The following ST7 variants were observed in gnomAD, a reference collection of about 807,000 sequenced individuals.
ST7 encodes suppressor of tumorigenicity 7 protein.
ST7 carries 28 observed loss-of-function variants against 78.7 expected under a neutral mutation model. That is an observed-to-expected ratio of 0.36 (90% CI 0.26 to 0.49). The LOEUF is 0.49. Among genes scored for constraint, ST7 ranks in the 20% least tolerant of loss-of-function variants. The probability of loss-of-function intolerance (pLI) is 0.99; values close to 1 mark genes in which losing one functional copy is unlikely to be tolerated. For synonymous variants in ST7, 247 were observed against 249.6 expected (o/e 0.99, Z 0.10); for missense variants, 418 against 696.0 (o/e 0.60, Z 4.49).
chr7:117,039,944 G>A (rs970923721), intron 1 of ST7, among the ~76,000 whole-genome samples: 1 of 152,208 alleles, frequency 6.6e-6, no homozygotes, highest in African/African-American at 2.4e-5. Context: ...TGTCATGGAA[G>A]CTAGAAGAGC....
chr7:117,082,479 A>G (rs1429120553), intron 1 of ST7, among the ~76,000 whole-genome samples: 4 of 152,196 alleles, frequency 2.6e-5, no homozygotes, highest in African/African-American at 4.8e-5. Flanking sequence ...ATGCTAGGCT[A>G]TATTTAGGAT....
intron 1 of ST7, among the ~76,000 whole-genome samples, chr7:117,058,089 T>A (rs1798157174): frequency 6.6e-6 from 1 of 152,190 alleles, no homozygotes; most frequent in Non-Finnish European, 1.5e-5. Flanking sequence ...TATTGTTATA[T>A]TTGCTAGTGA....
chr7:117,223,576 A>G (rs1793254164), intron 15 of ST7: 1 of 153,426 alleles, frequency 6.5e-6, no homozygotes, highest in Non-Finnish European at 1.5e-5. Context: ...GCACCTTTGC[A>G]CGTGCTGTTT....
chr7:117,104,294 G>T (rs1801789839), intron 2 of ST7, among the ~76,000 whole-genome samples: 1 of 152,170 alleles, frequency 6.6e-6, no homozygotes, highest in Admixed American at 6.5e-5. Flanking sequence ...TACAAAATTA[G>T]CCGGGTGTGG....
chr7:117,179,549 G>A (rs1268856703), intron 10 of ST7, among the ~76,000 whole-genome samples: 3 of 152,220 alleles, frequency 2.0e-5, no homozygotes, highest in African/African-American at 7.2e-5. Context: ...GAACTGGACA[G>A]CAAAGGTGCT....
At chr7:116,964,537 G>T (rs1040625095) in intron 1 of ST7, among the ~76,000 whole-genome samples, 1 of 152,138 alleles carries the variant, frequency 6.6e-6, no homozygotes, top group Non-Finnish European at 1.5e-5. Flanking sequence ...GTGTATGTTT[G>T]TGCAGAATTT....
intron 12 of ST7, among the ~76,000 whole-genome samples, chr7:117,197,101 CAT>C (rs1301804507): frequency 6.6e-6 from 1 of 152,140 alleles, no homozygotes; most frequent in Non-Finnish European, 1.5e-5. Context: ...ATGACACAAT[CAT>C]AGCTCATTGT....
At chr7:117,182,723 C>T (rs1383607476) in intron 10 of ST7, 3 of 152,124 alleles carry the variant, frequency 2.0e-5, no homozygotes, top group Admixed American at 1.3e-4. Context: ...TCAGACTGCA[C>T]GTTTTCCCTG....
intron 1 of ST7, among the ~76,000 whole-genome samples, chr7:117,062,108 G>C (rs946292992): frequency 1.3e-5 from 2 of 152,098 alleles, no homozygotes; most frequent in African/African-American, 4.8e-5. Context: ...ACAGGGTGAG[G>C]GGGGAAAGGT....
chr7:117,048,723 G>T (rs887277140), intron 1 of ST7, among the ~76,000 whole-genome samples: 4 of 152,158 alleles, frequency 2.6e-5, no homozygotes, highest in Non-Finnish European at 5.9e-5. Flanking sequence ...GGAAGTTATT[G>T]TTTCAGGTTT....
At chr7:117,222,193 AATTTT>A (rs1423428897) in intron 15 of ST7, 131 bp downstream of exon 15, 33 of 1,058,908 alleles carry the variant, frequency 3.1e-5, no homozygotes, top group Non-Finnish European at 4.1e-5. Flanking sequence ...CTCACCATTT[AATTTT>A]CATGATCGTC....
intron 12 of ST7, among the ~76,000 whole-genome samples, chr7:117,199,945 T>C (rs997299980): frequency 1.3e-5 from 2 of 152,172 alleles, no homozygotes. Context: ...GTATACAGAA[T>C]GCCCAAACCT....
At chr7:116,966,198 C>A (rs1025010670) in intron 1 of ST7, 1 of 293,886 alleles carries the variant, frequency 3.4e-6, no homozygotes. Context: ...TTATTTGTTG[C>A]AGTTATTAAT....
At chr7:116,974,585 C>T (rs560316058) in intron 1 of ST7, among the ~76,000 whole-genome samples, 10 of 152,138 alleles carry the variant, frequency 6.6e-5, no homozygotes, top group South Asian at 4.1e-4. Flanking sequence ...GCCACTGCGC[C>T]GGGCCTTTTC....
At chr7:117,038,096 C>A (rs1796993384) in intron 1 of ST7, among the ~76,000 whole-genome samples, 1 of 152,120 alleles carries the variant, frequency 6.6e-6, no homozygotes, top group Non-Finnish European at 1.5e-5. Flanking sequence ...GAGTCATCTT[C>A]ATTACTAAAG....
chr7:117,169,299 C>G (rs1018367233), intron 9 of ST7, among the ~76,000 whole-genome samples: 2 of 151,974 alleles, frequency 1.3e-5, no homozygotes, highest in Non-Finnish European at 2.9e-5. Context: ...CCATGCCTGA[C>G]TAATTTTTGT....
intron 1 of ST7, among the ~76,000 whole-genome samples, chr7:117,043,811 C>G (rs1330501050): frequency 1.3e-5 from 2 of 152,210 alleles, no homozygotes; most frequent in African/African-American, 4.8e-5. Context: ...CACCACACCC[C>G]TGTGAGATAG....
At chr7:117,055,496 G>A (rs1798015905) in intron 1 of ST7, among the ~76,000 whole-genome samples, 1 of 152,058 alleles carries the variant, frequency 6.6e-6, no homozygotes, top group Admixed American at 6.6e-5. Flanking sequence ...ACTTATACAT[G>A]AAGAAACTTA....
At chr7:117,080,418 CATACTATTCTATCAT>C (rs1489857107) in intron 1 of ST7, among the ~76,000 whole-genome samples, 4 of 152,084 alleles carry the variant, frequency 2.6e-5, no homozygotes, top group African/African-American at 9.7e-5. Context: ...TTAATGGCTG[CATACTATTCTATCAT>C]ATAGATATTT....
Sources: gnomAD v4.1 joint callset for allele counts (sites outside exome capture counted in the v4.1 genomes callset) on GRCh38, gnomAD v4.1.1 for gene constraint, MANE v1.5 for transcripts, NCBI Gene and HGNC (gene_info 2026-07-23, HGNC 2026-07-21) for gene names.